TMEM114: variants seen among roughly 807,000 people sequenced by gnomAD.
TMEM114 encodes the protein transmembrane protein 114.
Under a neutral mutation model 6.2 loss-of-function variants are expected in TMEM114, and 6 were observed. The ratio of observed to expected loss-of-function variants is 0.97; its 90% confidence interval spans 0.53 to 1.91. The LOEUF (loss-of-function observed/expected upper bound fraction) is 1.91. Ranked by LOEUF, TMEM114 falls within the 40% of genes most tolerant of loss-of-function variation. The pLI is 0.01. For synonymous variants in TMEM114, 104 were observed against 73.0 expected, an observed-to-expected ratio of 1.42 and a Z score of -2.16; for missense variants, 218 against 158.3, an observed-to-expected ratio of 1.38 and a Z score of -2.02.
At chr16:8,584,685 G>A (rs1188492725) in intron 2 of TMEM114, among the ~76,000 whole-genome samples, 2 of 152,066 alleles carry the variant, frequency 1.3e-5, no homozygotes, top group Non-Finnish European at 2.9e-5. Context: ...ACTTTGGGAG[G>A]CCGAGGCAGG....
rs182234007 is a variant in TMEM114, at chr16:8,548,206, C to A, written n.213-10380G>T. The stretch of plus-strand genomic sequence containing the variant: ...CTGACTGAGCAAGGGGCTTAGTTAG[C>A]CTCTCCACCCCTGGATTTTCTCATT... On this transcript the variant is annotated intron_variant and non_coding_transcript_variant, in intron 2 of 2. Transcript: ENST00000623677. Among the ~76,000 whole-genome samples, 318 of 152,224 alleles carry A rather than the reference C, an allele frequency of 2.1e-3. 1 individual carries two copies. Among genetic ancestry groups the A allele is most frequent in the African/African-American group, 7.0e-3 (292 of 41,548 alleles).
At chr16:8,529,383 A>T in the TMEM114 span, among the ~76,000 whole-genome samples, 149,292 of 152,320 alleles carry the variant, frequency 0.98, 73,180 homozygotes, top group Middle Eastern at 1. Context: ...ATTAGTGGAA[A>T]TGGCTCTTCC....
At chr16:8,544,788 T>G (rs1471387312) in intron 2 of TMEM114, among the ~76,000 whole-genome samples, 2 of 152,220 alleles carry the variant, frequency 1.3e-5, no homozygotes, top group African/African-American at 4.8e-5. Context: ...ATTTGTATTT[T>G]GTTCAACCCA....
chr16:8,564,587 G>A (rs1901454630), downstream of TMEM114, among the ~76,000 whole-genome samples: 2 of 149,050 alleles, frequency 1.3e-5, 1 homozygote. Context: ...GTGAGTAAAT[G>A]AGTGAGTGAC....
At chr16:8,528,343 C>T in the TMEM114 span, among the ~76,000 whole-genome samples, 44,939 of 152,104 alleles carry the variant, frequency 0.3, 7,502 homozygotes, top group East Asian at 0.44. Context: ...CCCACTCTCC[C>T]ATTCTGCTGC....
downstream of TMEM114, among the ~76,000 whole-genome samples, chr16:8,564,658 T>G (rs1436651796): frequency 1.3e-5 from 2 of 148,522 alleles, no homozygotes; most frequent in East Asian, 2.0e-4. Context: ...AATGAGTGAG[T>G]GAGGGAGGGA....
At position 8,584,090 on chromosome 16, in the gene TMEM114, G is replaced by C. The variant is rs529989552; in HGVS notation, c.301+5123C>G. Among the ~76,000 whole-genome samples the C allele has an allele frequency of 2.0e-5, 3 of 152,202 alleles. No individual in the cohort carries two copies. In the South Asian group the frequency reaches 6.2e-4, roughly 31 times the overall value. On this transcript the variant is annotated intron_variant, in intron 2 of 3. Coordinates refer to ENST00000620492, the MANE Select transcript of TMEM114 (RefSeq NM_001146336.2). ...GAGAAACAGAACGTCTCCCTTTTTA[G>C]GGTTGCTAAGGTGGGAGAGGATTTA...
At position 8,569,779 on chromosome 16, in the gene TMEM114, G is replaced by A. The variant is rs1343179406; in HGVS notation, c.666C>T (p.Ala222=). Residue 222 remains alanine, a synonymous_variant, in exon 4 of 4, where the codon GCC becomes GCT. Transcript: ENST00000620492. ...ELSLRRRQDQ[A]I ...CACGACCCAGCGCCCAGGCTCATAT[G>A]GCCTGGTCCTGCCTCCGTCTCAGGC... is the stretch of plus-strand genomic sequence containing the variant. The A allele has an allele frequency of 1.7e-5, 27 of 1,549,930 alleles. No individual in the cohort carries two copies. The highest frequency in any genetic ancestry group is 2.4e-5 in the Non-Finnish European group (27 of 1,146,618).
intron 2 of TMEM114, among the ~76,000 whole-genome samples, chr16:8,549,810 G>A (rs1900786581): frequency 6.6e-6 from 1 of 152,150 alleles, no homozygotes; most frequent in African/African-American, 2.4e-5. Context: ...GAGGGCAGAA[G>A]TAATAGGATA....
rs145256376 is a variant in TMEM114, at chr16:8,555,921, C to G, written n.213-18095G>C. Among the ~76,000 whole-genome samples, 115 of 152,310 alleles carry G rather than the reference C, an allele frequency of 7.6e-4. No individual in the cohort carries two copies. In the East Asian group the frequency reaches 0.019, roughly 25 times the overall value. ...TGGTTGGCCTCACCCTAAGAAGTATCTCCAACTGCCTCTTGGACGTGTCCA... is the reference window on the plus strand; with the variant it reads ...TGGTTGGCCTCACCCTAAGAAGTATGTCCAACTGCCTCTTGGACGTGTCCA... On this transcript the variant is annotated intron_variant and non_coding_transcript_variant, in intron 2 of 2. Coordinates refer to the TMEM114 transcript ENST00000623677.
Position 8,548,233 on chromosome 16 carries a change from G to C in TMEM114, n.213-10407C>G, listed in dbSNP as rs146755051. 3.1e-3 allele frequency among the ~76,000 whole-genome samples: 466 copies of C among 152,258 alleles called. 1 individual carries two copies. Among genetic ancestry groups the C allele is most frequent in the African/African-American group, 0.01 (433 of 41,554 alleles). Reference sequence around the variant, plus strand: ...TCTCCACCCCTGGATTTTCTCATTTGTGAAAAGGACATAATATGAGTTCCT... The same window carrying C: ...TCTCCACCCCTGGATTTTCTCATTTCTGAAAAGGACATAATATGAGTTCCT... On this transcript the variant is annotated intron_variant and non_coding_transcript_variant, in intron 2 of 2. Coordinates refer to the TMEM114 transcript ENST00000623677.
In TMEM114 at chr16:8,572,075, G is replaced by T. The variant is rs1286810167; in HGVS notation, c.439+12C>A. On this transcript the variant is annotated intron_variant, in intron 3 of 3. Coordinates refer to ENST00000620492, the MANE Select transcript of TMEM114 (RefSeq NM_001146336.2). ...ACCACAAGCCAGAGCCCTAGGCAGG[G>T]TGGGCACCTACCTCCAAAGAGGAAG... 2 of 1,534,726 alleles carry T rather than the reference G, an allele frequency of 1.3e-6. No homozygotes were observed. Among genetic ancestry groups the T allele is most frequent in the East Asian group, 4.9e-5 (2 of 40,864 alleles).
chr16:8,542,676 A>T (rs1900549972), intron 2 of TMEM114, among the ~76,000 whole-genome samples: 1 of 152,150 alleles, frequency 6.6e-6, no homozygotes, highest in Admixed American at 6.6e-5. Flanking sequence ...TAAGCAACCT[A>T]GGTGCACTAT....
intron 2 of TMEM114, among the ~76,000 whole-genome samples, chr16:8,551,971 A>G (rs553455173): frequency 6.6e-6 from 1 of 152,238 alleles, no homozygotes; most frequent in Non-Finnish European, 1.5e-5. Flanking sequence ...AGTGAAGAAA[A>G]GCCAGTCTCC....
chr16:8,560,008 G>T (rs939049129), intron 2 of TMEM114, among the ~76,000 whole-genome samples: 4 of 152,026 alleles, frequency 2.6e-5, no homozygotes, highest in African/African-American at 9.7e-5. Context: ...TGTGGTTGTT[G>T]TTGTTTGAGA....
At chr16:8,566,895 T>C (rs1185648238), downstream of TMEM114, among the ~76,000 whole-genome samples, 1 of 108,980 alleles carries the variant, frequency 9.2e-6, no homozygotes, top group Non-Finnish European at 1.8e-5. Context: ...CCCATCACCC[T>C]GGTTTTTTTT....
intron 2 of TMEM114, among the ~76,000 whole-genome samples, chr16:8,557,607 G>A (rs1480972645): frequency 6.6e-6 from 1 of 152,206 alleles, no homozygotes; most frequent in Admixed American, 6.5e-5. Context: ...ACGAAGAAAT[G>A]TATGTGGCCC....
chr16:8,556,300 G>C, intron 2 of TMEM114, among the ~76,000 whole-genome samples: 1 of 152,166 alleles, frequency 6.6e-6, no homozygotes, highest in Non-Finnish European at 1.5e-5. Flanking sequence ...TATAGACAGA[G>C]ATCCTTCTAG....
At chr16:8,556,494 T>C (rs985747982) in intron 2 of TMEM114, among the ~76,000 whole-genome samples, 2 of 151,932 alleles carry the variant, frequency 1.3e-5, no homozygotes, top group African/African-American at 4.8e-5. Context: ...ACTTTATTTG[T>C]CGTTGTTGTT....
Sources: gnomAD v4.1 joint callset for allele counts (sites outside exome capture counted in the v4.1 genomes callset) on GRCh38, gnomAD v4.1.1 for gene constraint, MANE v1.5 for transcripts, NCBI Gene and HGNC (gene_info 2026-07-23, HGNC 2026-07-21) for gene names.